Variants in LPP observed in about 807,000 individuals in gnomAD.
LPP encodes the protein lipoma-preferred partner.
In LPP, 38 loss-of-function variants were observed where a neutral mutation model predicts 60.4. The ratio of observed to expected loss-of-function variants is 0.63; its 90% CI spans 0.49 to 0.83. LPP has a LOEUF of 0.83. Among genes scored for constraint, LPP ranks in the 40% least tolerant of loss-of-function variants. LPP has a pLI of 0.00. For synonymous variants in LPP, 328 were observed against 290.8 expected, an observed-to-expected ratio of 1.13 and a Z score of -1.30; for missense variants, 902 against 783.6, an observed-to-expected ratio of 1.15 and a Z score of -1.80.
chr3:188,754,660 AT>A (rs201794579), intron 8 of LPP, among the ~76,000 whole-genome samples: 3,181 of 148,410 alleles, frequency 0.021, 102 homozygotes, highest in African/African-American at 0.067. Flanking sequence ...AGGGATCAAT[AT>A]TTTTTTTTTT....
In LPP at chr3:188,352,504, C is replaced by T. The variant is rs16863212; in HGVS notation, c.-10+10785C>T. Among the ~76,000 whole-genome samples the T allele has an allele frequency of 0.068, 10,386 of 152,244 alleles. 417 individuals carry two copies. The highest frequency in any genetic ancestry group is 0.084 in the Non-Finnish European group (5,717 of 67,998). ...CGAGCCCTCAGTTGCCACTTGGAAA[C>T]GGTTGGAAACTGTAGATCAGGCACA... On this transcript the variant is annotated intron_variant, in intron 3 of 11. Coordinates refer to ENST00000617246, the MANE Select transcript of LPP (RefSeq NM_001375462.1). The surrounding 1 kb of genome is among the most constrained non-coding windows in gnomAD (Gnocchi z 4.4).
chr3:188,344,048 A>T (rs1763711122), intron 3 of LPP, among the ~76,000 whole-genome samples: 1 of 152,220 alleles, frequency 6.6e-6, no homozygotes, highest in South Asian at 2.1e-4. Flanking sequence ...AATCTGCAAC[A>T]GTATACCCTG....
At chr3:188,418,434 A>G (rs926815270) in intron 4 of LPP, among the ~76,000 whole-genome samples, 1 of 152,130 alleles carries the variant, frequency 6.6e-6, no homozygotes, top group Admixed American at 6.6e-5. Flanking sequence ...AAAAGTTATT[A>G]TCACCCTCAA....
chr3:188,532,571 C>T (rs562500078), intron 6 of LPP, among the ~76,000 whole-genome samples: 46 of 152,266 alleles, frequency 3.0e-4, no homozygotes, highest in African/African-American at 1.1e-3. Context: ...GTTTGATAGC[C>T]TCGTCTCCAA....
chr3:188,331,722 C>T (rs1256665215), intron 2 of LPP, among the ~76,000 whole-genome samples: 1 of 152,094 alleles, frequency 6.6e-6, no homozygotes, highest in Non-Finnish European at 1.5e-5. Context: ...AAGGGACTCC[C>T]TCAAGGCCAC....
At chr3:188,588,555 A>C (rs1027185275) in intron 6 of LPP, among the ~76,000 whole-genome samples, 1 of 151,706 alleles carries the variant, frequency 6.6e-6, no homozygotes, top group African/African-American at 2.4e-5. Flanking sequence ...ACAGTAGCTT[A>C]TGCTGAAACC....
chr3:188,690,933 C>T (rs1234504630), intron 7 of LPP, among the ~76,000 whole-genome samples: 1 of 152,138 alleles, frequency 6.6e-6, no homozygotes, highest in Non-Finnish European at 1.5e-5. Flanking sequence ...TGGGTTATCT[C>T]TCATGACTGT....
intron 2 of LPP, among the ~76,000 whole-genome samples, chr3:188,332,799 A>G (rs776642396): frequency 5.3e-5 from 8 of 152,198 alleles, no homozygotes; most frequent in Non-Finnish European, 8.8e-5. Flanking sequence ...CTCAGACTCT[A>G]CTAGAAAGGT....
intron 2 of LPP, among the ~76,000 whole-genome samples, chr3:188,268,574 C>T (rs1402600063): frequency 6.6e-6 from 1 of 152,224 alleles, no homozygotes; most frequent in Non-Finnish European, 1.5e-5. Context: ...GGCTGAAACT[C>T]TGTGAATGGT....
intron 9 of LPP, among the ~76,000 whole-genome samples, chr3:188,850,264 G>A (rs9834431): frequency 0.11 from 16,117 of 152,112 alleles, 1,340 homozygotes; most frequent in African/African-American, 0.24. Context: ...GGCAAAAGAT[G>A]GAATTAAAAT....
At chr3:188,198,921 A>G (rs912035052) in intron 1 of LPP, among the ~76,000 whole-genome samples, 1 of 152,128 alleles carries the variant, frequency 6.6e-6, no homozygotes, top group Non-Finnish European at 1.5e-5. Flanking sequence ...AATTACCCCC[A>G]AACTCAGTGG....
At chr3:188,431,034 G>C (rs541526624) in intron 4 of LPP, among the ~76,000 whole-genome samples, 3 of 152,124 alleles carry the variant, frequency 2.0e-5, no homozygotes, top group South Asian at 4.1e-4. Flanking sequence ...CTAATGGTAA[G>C]TTTATAGTAT....
chr3:188,800,813 T>A (rs1250102654), intron 9 of LPP, among the ~76,000 whole-genome samples: 1 of 152,220 alleles, frequency 6.6e-6, no homozygotes, highest in African/African-American at 2.4e-5. Flanking sequence ...TAGCATCATT[T>A]TCTATGCTTA....
At chr3:188,454,324 GGT>G (rs2149374430) in intron 4 of LPP, among the ~76,000 whole-genome samples, 1 of 152,194 alleles carries the variant, frequency 6.6e-6, no homozygotes, top group African/African-American at 2.4e-5. Flanking sequence ...TGAGAAGTGT[GGT>G]CTATGATATT....
At chr3:188,589,128 A>C (rs957747079) in intron 6 of LPP, among the ~76,000 whole-genome samples, 1 of 151,786 alleles carries the variant, frequency 6.6e-6, no homozygotes, top group Non-Finnish European at 1.5e-5. Context: ...TTTTATATCT[A>C]TATACATATA....
At position 188,601,213 on chromosome 3, in the gene LPP, A is replaced by G. The variant is rs1009580062; in HGVS notation, c.430-7948A>G. Among the ~76,000 whole-genome samples, 30 of 152,264 alleles carry G rather than the reference A, an allele frequency of 2.0e-4. 1 individual carries two copies. The highest frequency in any genetic ancestry group is 4.1e-4 in the South Asian group (2 of 4,824). On this transcript the variant is annotated intron_variant, in intron 6 of 11. Transcript: ENST00000617246. Reference sequence around the variant, plus strand: ...CTGTGTAGTATTCTATTATATGACTATACTGTAATGTATATAAACAATCCT... The same window carrying G: ...CTGTGTAGTATTCTATTATATGACTGTACTGTAATGTATATAAACAATCCT...
intron 5 of LPP, among the ~76,000 whole-genome samples, chr3:188,495,098 AT>A (rs1809718476): frequency 1.9e-5 from 2 of 106,994 alleles, no homozygotes; most frequent in African/African-American, 3.4e-5. Flanking sequence ...TTTATATTTT[AT>A]TATATATTTT....
At chr3:188,863,481 C>T (rs990259269) in intron 9 of LPP, among the ~76,000 whole-genome samples, 4 of 152,190 alleles carry the variant, frequency 2.6e-5, no homozygotes, top group East Asian at 3.9e-4. Flanking sequence ...TCTGCCTGCT[C>T]ACCTGTGGAA....
Position 188,884,231 on chromosome 3 carries a change from C to T in LPP, c.*9752C>T, listed in dbSNP as rs1243022754. 2 of 229,786 alleles carry T rather than the reference C, an allele frequency of 8.7e-6. No homozygotes were observed. The highest frequency in any genetic ancestry group is 4.4e-5 in the African/African-American group (2 of 45,130). 14.2% of individuals were successfully genotyped at this position (229,786 alleles called of 1,614,324 possible). A position where few individuals can be genotyped will look rare whatever the true frequency, so the allele number is the denominator to read the frequency against. On this transcript the variant is annotated 3_prime_UTR_variant, in exon 12 of 12. Coordinates refer to ENST00000617246, the MANE Select transcript of LPP (RefSeq NM_001375462.1). ...TTAAGTGACTTGCCAAAAGCTGTGA[C>T]ATAGCTGGGAAGTGGCAGATTTGGG...
Sources: allele counts gnomAD v4.1 joint callset (sites outside exome capture counted in the v4.1 genomes callset), GRCh38; gene constraint gnomAD v4.1.1; non-coding constraint Gnocchi (gnomAD v3.1); transcripts MANE v1.5; gene names NCBI Gene and HGNC (gene_info 2026-07-23, HGNC 2026-07-21).